NDST4: variants seen among roughly 807,000 people sequenced by gnomAD.
The protein encoded by NDST4 is N-deacetylase and N-sulfotransferase 4.
A neutral mutation model predicts 100.8 loss-of-function variants in NDST4; 63 were observed. The observed-to-expected ratio is 0.62, with a 90% CI of 0.51 to 0.77. The LOEUF is 0.77. Among genes scored for constraint, NDST4 ranks in the 30% least tolerant of loss-of-function variants. The pLI, the probability that NDST4 is intolerant of heterozygous loss-of-function variation, is 0.00. For synonymous variants in NDST4, 377 were observed against 361.8 expected (o/e 1.04, Z -0.48); for missense variants, 943 against 1,018.4 (o/e 0.93, Z 1.01).
At chr4:114,953,341 TG>T (rs1178226259) in intron 4 of NDST4, among the ~76,000 whole-genome samples, 5 of 152,266 alleles carry the variant, frequency 3.3e-5, no homozygotes, top group Admixed American at 3.3e-4. Context: ...TTGATCACTT[TG>T]TTTTTACTGA....
chr4:114,900,214 C>G (rs774719096), intron 6 of NDST4, among the ~76,000 whole-genome samples: 5 of 150,726 alleles, frequency 3.3e-5, no homozygotes, highest in Admixed American at 6.6e-5. Flanking sequence ...CATTTGAATC[C>G]TCTCTTTTTT....
intron 7 of NDST4, 55 bp downstream of exon 7, chr4:114,870,713 C>G: frequency 6.8e-7 from 1 of 1,470,534 alleles, no homozygotes; most frequent in South Asian, 1.4e-5. Flanking sequence ...AAATTATACA[C>G]TCACAAATTG....
At chr4:115,070,577 T>G (rs1729053771) in intron 2 of NDST4, among the ~76,000 whole-genome samples, 1 of 152,192 alleles carries the variant, frequency 6.6e-6, no homozygotes, top group Admixed American at 6.5e-5. Flanking sequence ...TCTTGAGTTT[T>G]TAGGTATACA....
At chr4:115,012,461 A>G (rs1397096554) in intron 2 of NDST4, among the ~76,000 whole-genome samples, 2 of 152,018 alleles carry the variant, frequency 1.3e-5, no homozygotes, top group African/African-American at 4.8e-5. Flanking sequence ...CCATGGCTTA[A>G]GTGACCTCAC....
chr4:114,903,515 A>G (rs1018152623), intron 6 of NDST4, among the ~76,000 whole-genome samples: 2 of 151,870 alleles, frequency 1.3e-5, no homozygotes, highest in African/African-American at 4.8e-5. Context: ...ACTGATTCCC[A>G]CGGAGATTTC....
chr4:115,010,307 C>T lies in NDST4; in HGVS notation c.979-33033G>A, dbSNP rs1383508912. Among the ~76,000 whole-genome samples the T allele has an allele frequency of 2.4e-5, 3 of 126,516 alleles. 1 individual carries two copies. The highest frequency in any genetic ancestry group is 3.4e-5 in the Non-Finnish European group (2 of 59,412). The allele number at this position is 126,516 out of a possible 152,430, so 83.0% of individuals were successfully genotyped here. A position where few individuals can be genotyped will look rare whatever the true frequency, so the allele number is the denominator to read the frequency against. ...AACCCAAATGTCCAACAGTGATAGACTGGATTAAGAAAATGTGGCACATAT... is the reference window on the plus strand; with the variant it reads ...AACCCAAATGTCCAACAGTGATAGATTGGATTAAGAAAATGTGGCACATAT... On this transcript the variant is annotated intron_variant, in intron 2 of 13. Transcript: ENST00000264363.
intron 2 of NDST4, among the ~76,000 whole-genome samples, chr4:115,036,056 A>G (rs1046108731): frequency 3.9e-5 from 6 of 151,974 alleles, no homozygotes; most frequent in African/African-American, 1.4e-4. Context: ...GAATAATTAG[A>G]CTGCTTTCTT....
chr4:114,909,591 C>T (rs1426246293), intron 6 of NDST4, among the ~76,000 whole-genome samples: 2 of 142,930 alleles, frequency 1.4e-5, no homozygotes, highest in African/African-American at 2.7e-5. Flanking sequence ...ACCCGGGAAG[C>T]GGAGCTTGCA....
intron 1 of NDST4, among the ~76,000 whole-genome samples, chr4:115,090,396 T>C (rs1469012417): frequency 4.6e-5 from 7 of 151,936 alleles, no homozygotes; most frequent in African/African-American, 1.7e-4. Context: ...GAATATTTCC[T>C]AAAGTTGTAA....
chr4:115,022,347 A>G (rs1727857085), intron 2 of NDST4, among the ~76,000 whole-genome samples: 1 of 144,336 alleles, frequency 6.9e-6, no homozygotes, highest in African/African-American at 2.8e-5. Flanking sequence ...CCACGTACAT[A>G]TGTGTTCCAC....
chr4:114,834,605 A>G (rs1175778256), intron 11 of NDST4, among the ~76,000 whole-genome samples: 1 of 151,550 alleles, frequency 6.6e-6, no homozygotes, highest in Non-Finnish European at 1.5e-5. Context: ...GCTGGAAGAT[A>G]GAATATTAAA....
rs528401642 is a variant in NDST4, at chr4:115,093,423, T to C, written c.-246-16141A>G. Among the ~76,000 whole-genome samples the C allele has an allele frequency of 4.0e-5, 6 of 151,640 alleles. No homozygotes were observed. The East Asian group carries it at 5.8e-4, about 15-fold the overall frequency. On this transcript the variant is annotated intron_variant, in intron 1 of 13. Transcript: ENST00000264363. Reference sequence around the variant, plus strand: ...CCGGGAGGCAGAGCTTGTAGTGAGCTGAGATAGCGCCACTGCACTCCAGCC... The same window carrying C: ...CCGGGAGGCAGAGCTTGTAGTGAGCCGAGATAGCGCCACTGCACTCCAGCC...
At chr4:114,884,488 T>G (rs1724436478) in intron 6 of NDST4, among the ~76,000 whole-genome samples, 1 of 152,144 alleles carries the variant, frequency 6.6e-6, no homozygotes, top group African/African-American at 2.4e-5. Flanking sequence ...CATGTGAGAG[T>G]TCTCAACAAA....
chr4:114,876,085 T>C (rs896007701), intron 6 of NDST4, among the ~76,000 whole-genome samples: 2 of 152,122 alleles, frequency 1.3e-5, no homozygotes, highest in Admixed American at 6.5e-5. Flanking sequence ...AGGAAAAAAA[T>C]GCACAATCAC....
At chr4:114,982,311 A>G (rs912816710) in intron 2 of NDST4, among the ~76,000 whole-genome samples, 2 of 152,228 alleles carry the variant, frequency 1.3e-5, no homozygotes, top group Admixed American at 1.3e-4. Context: ...AAATGCTGAT[A>G]GTGATATGGA....
At chr4:115,069,751 C>T (rs1729032240) in intron 2 of NDST4, among the ~76,000 whole-genome samples, 1 of 152,098 alleles carries the variant, frequency 6.6e-6, no homozygotes, top group Admixed American at 6.5e-5. Flanking sequence ...GGTGTGGTGG[C>T]ACACGTCTGT....
chr4:115,016,731 C>T (rs761656093), intron 2 of NDST4, among the ~76,000 whole-genome samples: 1 of 151,998 alleles, frequency 6.6e-6, no homozygotes, highest in Non-Finnish European at 1.5e-5. Flanking sequence ...TTACCATGCC[C>T]TGTGATTATC....
chr4:114,978,967 A>C (rs1236130301), intron 2 of NDST4, among the ~76,000 whole-genome samples: 1 of 152,148 alleles, frequency 6.6e-6, no homozygotes, highest in Non-Finnish European at 1.5e-5. Context: ...GGCAAGTAGC[A>C]TGAGCTCAAT....
intron 2 of NDST4, among the ~76,000 whole-genome samples, chr4:115,060,216 CT>C (rs1728788731): frequency 6.6e-6 from 1 of 151,916 alleles, no homozygotes; most frequent in Non-Finnish European, 1.5e-5. Context: ...TAGGTATTTT[CT>C]TCATTTGTGC....
Sources: gnomAD v4.1 joint callset for allele counts (sites outside exome capture counted in the v4.1 genomes callset) on GRCh38, gnomAD v4.1.1 for gene constraint, MANE v1.5 for transcripts, NCBI Gene and HGNC (gene_info 2026-07-23, HGNC 2026-07-21) for gene names.